The following JAKMIP2 variants were observed in gnomAD, a reference collection of about 807,000 sequenced individuals.
The protein encoded by JAKMIP2 is janus kinase and microtubule-interacting protein 2.
In JAKMIP2, 25 loss-of-function variants were observed where a neutral mutation model predicts 115.0. The observed-to-expected ratio is 0.22, with a 90% CI of 0.16 to 0.30. The LOEUF is 0.30. Among genes scored for constraint, JAKMIP2 ranks in the 10% least tolerant of loss-of-function variants. The pLI, the probability that JAKMIP2 is intolerant of heterozygous loss-of-function variation, is 1.00. For synonymous variants in JAKMIP2, 334 were observed against 343.6 expected, an observed-to-expected ratio of 0.97 and a Z score of 0.31; for missense variants, 642 against 957.6, an observed-to-expected ratio of 0.67 and a Z score of 4.35.
intron 1 of JAKMIP2, among the ~76,000 whole-genome samples, chr5:147,766,354 G>A (rs557496181): frequency 1.4e-3 from 213 of 151,882 alleles, no homozygotes; most frequent in Non-Finnish European, 1.9e-3. Context: ...TTTTCCTTTT[G>A]AAAGGAGGAA....
chr5:147,679,265 G>T (rs887728260), intron 1 of JAKMIP2, among the ~76,000 whole-genome samples: 1 of 152,082 alleles, frequency 6.6e-6, no homozygotes, highest in Non-Finnish European at 1.5e-5. Flanking sequence ...ACAGGCGTGA[G>T]CCACCATCCC....
At chr5:147,767,467 G>A (rs929563219) in intron 1 of JAKMIP2, among the ~76,000 whole-genome samples, 2 of 152,080 alleles carry the variant, frequency 1.3e-5, no homozygotes, top group Admixed American at 1.3e-4. Context: ...CACACCAAGA[G>A]AGAATTTACA....
In JAKMIP2 at chr5:147,586,506, T is replaced by A. The variant is rs1561829812; in HGVS notation, c.*5201A>T. On this transcript the variant is annotated 3_prime_UTR_variant, in exon 22 of 22. Transcript: ENST00000616793. Reference sequence around the variant, plus strand: ...CGTGGGATCTTGATTGTGGGCAAAATTGGGCTCAAAGTTGTTTAACTTTAC... The same window carrying A: ...CGTGGGATCTTGATTGTGGGCAAAAATGGGCTCAAAGTTGTTTAACTTTAC... 6.6e-6 allele frequency: 1 copy of A among 152,046 alleles called. No individual in the cohort carries two copies. The highest frequency in any genetic ancestry group is 2.4e-5 in the African/African-American group (1 of 41,376). The allele number at this position is 152,046 out of a possible 1,614,324, so 9.4% of individuals were successfully genotyped here.
chr5:147,586,695 C>A lies in JAKMIP2; in HGVS notation c.*5012G>T, dbSNP rs997395128. 3 of 151,684 alleles carry A rather than the reference C, an allele frequency of 2.0e-5. No individual in the cohort carries two copies. The highest frequency in any genetic ancestry group is 4.4e-5 in the Non-Finnish European group (3 of 67,952). 9.4% of individuals were successfully genotyped at this position (151,684 alleles called of 1,614,324 possible). On this transcript the variant is annotated 3_prime_UTR_variant, in exon 22 of 22. Transcript: ENST00000616793. ...ATAGGAAATTATAATCCTATTTTTG[C>A]TACATTGCCCCTATAAGTATATCTT...
chr5:147,639,749 A>G lies in JAKMIP2; in HGVS notation c.1413T>C (p.Ala471=). 1 of 1,612,096 alleles carries G rather than the reference A, an allele frequency of 6.2e-7. No homozygotes were observed. Among genetic ancestry groups the G allele is most frequent in the Non-Finnish European group, 8.5e-7 (1 of 1,179,686 alleles). Residue 471 remains alanine (A), a synonymous_variant, in exon 10 of 22, where the codon GCT becomes GCC. Transcript: ENST00000616793. ...PDDDLDESLA[A]EESELRFRQL... ...GTCGAAATCTTAGTTCAGATTCTTC[A>G]GCTGCTAAACTCTTGAGGTTAAGAA...
At position 147,665,176 on chromosome 5, in the gene JAKMIP2, A is replaced by T. The variant is rs58464304; in HGVS notation, c.130-3731T>A. Among the ~76,000 whole-genome samples, 200 of 152,240 alleles carry T rather than the reference A, an allele frequency of 1.3e-3. 3 individuals are homozygous for T. Among genetic ancestry groups the T allele is most frequent in the African/African-American group, 4.6e-3 (193 of 41,548 alleles). On this transcript the variant is annotated intron_variant, in intron 2 of 21. Transcript: ENST00000616793. ...CATCCTGCTCCTGTTTTTATAAATA[A>T]AGTTTATTGGGACACAGCCATGCCC... is the stretch of plus-strand genomic sequence containing the variant.
At chr5:147,711,541 C>A (rs1016286184) in intron 1 of JAKMIP2, among the ~76,000 whole-genome samples, 1 of 152,112 alleles carries the variant, frequency 6.6e-6, no homozygotes, top group Non-Finnish European at 1.5e-5. Context: ...TTGGGGGCAA[C>A]CTAATTTTAT....
chr5:147,757,516 G>C (rs113516262), intron 1 of JAKMIP2, among the ~76,000 whole-genome samples: 1 of 152,068 alleles, frequency 6.6e-6, no homozygotes, highest in African/African-American at 2.4e-5. Context: ...GATCCCACTG[G>C]TTCTGGAGTC....
intron 1 of JAKMIP2, among the ~76,000 whole-genome samples, chr5:147,750,852 A>C (rs1437179811): frequency 6.6e-6 from 1 of 152,160 alleles, no homozygotes; most frequent in African/African-American, 2.4e-5. Context: ...TTGGCAAGCC[A>C]GCAAGAAAGG....
Position 147,782,661 on chromosome 5 carries a change from GGCGGCAGCA to G in JAKMIP2, c.-363_-355del. 9.3e-6 allele frequency: 6 copies of G among 643,162 alleles called. No homozygotes were observed. The highest frequency in any genetic ancestry group is 3.3e-5 in the South Asian group (2 of 60,604). The allele number at this position is 643,162 out of a possible 1,614,324, so 39.8% of individuals were successfully genotyped here. A position where few individuals can be genotyped will look rare whatever the true frequency, so the allele number is the denominator to read the frequency against. Reference sequence around the variant, plus strand: ...GAGTATCAGCAATAGAGGCGGCGGCGGCGGCAGCAGCAGCAGCAGCAGCATCACCAGTTG... The same window carrying G: ...GAGTATCAGCAATAGAGGCGGCGGCGGCAGCAGCAGCAGCATCACCAGTTG... On this transcript the variant is annotated 5_prime_UTR_variant, in exon 1 of 22. Coordinates refer to ENST00000616793, the MANE Select transcript of JAKMIP2 (RefSeq NM_001270941.2).
chr5:147,593,305 A>C (rs1251123497), intron 21 of JAKMIP2, among the ~76,000 whole-genome samples: 1 of 152,254 alleles, frequency 6.6e-6, no homozygotes, highest in African/African-American at 2.4e-5. Context: ...CATCCCCTGC[A>C]CACCCTTCTG....
chr5:147,729,435 TATA>T (rs1753640539), intron 1 of JAKMIP2, among the ~76,000 whole-genome samples: 2 of 152,162 alleles, frequency 1.3e-5, no homozygotes, highest in South Asian at 4.2e-4. Flanking sequence ...TCTAAACCAT[TATA>T]ATTTCAAAAG....
At chr5:147,591,725 T>C in intron 21 of JAKMIP2, 39 bp from the exon 22 acceptor site, 1 of 1,264,432 alleles carries the variant, frequency 7.9e-7, no homozygotes, top group Non-Finnish European at 1.1e-6. Context: ...TATATCAATT[T>C]TGTTAATAGC....
intron 3 of JAKMIP2, among the ~76,000 whole-genome samples, chr5:147,658,880 C>G (rs186797821): frequency 6.6e-6 from 1 of 152,130 alleles, no homozygotes; most frequent in Admixed American, 6.5e-5. Flanking sequence ...CTCCTCCCCC[C>G]ACCAAACTCA....
chr5:147,597,373 C>T (rs922219100), intron 21 of JAKMIP2, among the ~76,000 whole-genome samples: 6 of 151,980 alleles, frequency 3.9e-5, no homozygotes, highest in African/African-American at 9.7e-5. Context: ...TGTTATTAGA[C>T]AGGAAGTAAA....
chr5:147,700,742 T>C (rs1752293321), intron 1 of JAKMIP2, among the ~76,000 whole-genome samples: 1 of 152,228 alleles, frequency 6.6e-6, no homozygotes, highest in Non-Finnish European at 1.5e-5. Flanking sequence ...CTGCTGATCT[T>C]CAGATCACCT....
At chr5:147,606,125 T>G (rs11734782) in intron 20 of JAKMIP2, among the ~76,000 whole-genome samples, 1 of 152,200 alleles carries the variant, frequency 6.6e-6, no homozygotes. Context: ...CCTCCCATTC[T>G]GTAGGTTATC....
At position 147,589,800 on chromosome 5, in the gene JAKMIP2, G is replaced by A. The variant is rs964443115; in HGVS notation, c.*1907C>T. 1.3e-5 allele frequency: 2 copies of A among 152,110 alleles called. No homozygotes were observed. Among genetic ancestry groups the A allele is most frequent in the Admixed American group, 1.3e-4 (2 of 15,264 alleles). The allele number at this position is 152,110 out of a possible 1,614,324, so 9.4% of individuals were successfully genotyped here. ...ATGTCCCAAGTAGCTTGATAAGCAA[G>A]CTTCAGTGCTATAGTGCTTAAATTT... On this transcript the variant is annotated 3_prime_UTR_variant, in exon 22 of 22. Coordinates refer to ENST00000616793, the MANE Select transcript of JAKMIP2 (RefSeq NM_001270941.2).
At chr5:147,595,048 G>A (rs560674682) in intron 21 of JAKMIP2, among the ~76,000 whole-genome samples, 2 of 152,206 alleles carry the variant, frequency 1.3e-5, no homozygotes, top group African/African-American at 4.8e-5. Context: ...ATCTTGAAAG[G>A]CATGATTCAA....
Sources: allele counts gnomAD v4.1 joint callset (sites outside exome capture counted in the v4.1 genomes callset), GRCh38; gene constraint gnomAD v4.1.1; transcripts MANE v1.5; gene names NCBI Gene and HGNC (gene_info 2026-07-23, HGNC 2026-07-21).